The following C2CD5 variants were observed in gnomAD, a reference collection of about 807,000 sequenced individuals.
C2CD5 encodes the protein C2 calcium dependent domain containing 5, also known as C2 domain-containing protein 5.
In C2CD5, 109 loss-of-function variants were observed where a neutral mutation model predicts 130.3. That is an observed-to-expected ratio of 0.84 (90% CI 0.72 to 0.98). The LOEUF (loss-of-function observed/expected upper bound fraction) is 0.98. Among genes scored for constraint, C2CD5 ranks in the 50% least tolerant of loss-of-function variants. The pLI is 0.00. For synonymous variants in C2CD5, 454 were observed against 429.2 expected (o/e 1.06, Z -0.71); for missense variants, 996 against 1,261.8 (o/e 0.79, Z 3.19).
chr12:22,485,681 G>A (rs1245710891), intron 12 of C2CD5, among the ~76,000 whole-genome samples: 1 of 152,078 alleles, frequency 6.6e-6, no homozygotes, highest in Non-Finnish European at 1.5e-5. Flanking sequence ...ATTTCAGTTT[G>A]TTTGAATCCA....
intron 7 of C2CD5, among the ~76,000 whole-genome samples, chr12:22,518,702 G>C (rs908377024): frequency 6.6e-6 from 1 of 152,170 alleles, no homozygotes; most frequent in Non-Finnish European, 1.5e-5. Context: ...GAATGAAATA[G>C]GACCTACTGT....
At chr12:22,496,354 TG>T (rs1947011705) in intron 10 of C2CD5, among the ~76,000 whole-genome samples, 2 of 152,004 alleles carry the variant, frequency 1.3e-5, no homozygotes, top group African/African-American at 4.8e-5. Flanking sequence ...ACTAATGAAT[TG>T]GAATTATTTT....
At chr12:22,492,406 C>T (rs576958789) in intron 11 of C2CD5, among the ~76,000 whole-genome samples, 13 of 152,112 alleles carry the variant, frequency 8.5e-5, no homozygotes, top group African/African-American at 2.9e-4. Context: ...GGTAGAAAAA[C>T]GTTAAGTTGT....
At chr12:22,476,173 C>T (rs536054079) in intron 15 of C2CD5, among the ~76,000 whole-genome samples, 36 of 151,986 alleles carry the variant, frequency 2.4e-4, no homozygotes, top group Non-Finnish European at 4.6e-4. Context: ...GTATTAGAAA[C>T]ATTTTTTAAT....
At chr12:22,520,659 A>C (rs1950187883) in intron 7 of C2CD5, among the ~76,000 whole-genome samples, 1 of 152,160 alleles carries the variant, frequency 6.6e-6, no homozygotes, top group Non-Finnish European at 1.5e-5. Context: ...TCCAAGACTT[A>C]AAAATAAACA....
At chr12:22,450,516 G>C (rs1167928499) in intron 26 of C2CD5, among the ~76,000 whole-genome samples, 1 of 151,464 alleles carries the variant, frequency 6.6e-6, no homozygotes, top group Non-Finnish European at 1.5e-5. Context: ...AATCAATATG[G>C]GTAAATCTTA....
chr12:22,513,595 G>A (rs1204983236), intron 8 of C2CD5, among the ~76,000 whole-genome samples: 1 of 152,014 alleles, frequency 6.6e-6, no homozygotes, highest in Non-Finnish European at 1.5e-5. Context: ...ACCCCAGCTA[G>A]TTTTGGACTT....
intron 2 of C2CD5, among the ~76,000 whole-genome samples, chr12:22,543,574 T>G (rs1049442961): frequency 4.6e-5 from 7 of 152,214 alleles, no homozygotes; most frequent in Non-Finnish European, 8.8e-5. Context: ...TGTCCAGCAC[T>G]CTGGCCACCC....
At chr12:22,481,691 G>A (rs1282455302) in intron 14 of C2CD5, among the ~76,000 whole-genome samples, 1 of 117,772 alleles carries the variant, frequency 8.5e-6, no homozygotes, top group East Asian at 2.4e-4. Context: ...GCCTCACTCT[G>A]TCGCCTCGGT....
At chr12:22,515,162 A>G (rs1949591362) in intron 8 of C2CD5, 1 of 981,482 alleles carries the variant, frequency 1.0e-6, no homozygotes, top group Non-Finnish European at 1.2e-6. Context: ...TGTGGAGGAA[A>G]GTAGCAGAGA....
chr12:22,515,331 A>G (rs2136910753), intron 8 of C2CD5, among the ~76,000 whole-genome samples: 1 of 152,348 alleles, frequency 6.6e-6, no homozygotes, highest in South Asian at 2.1e-4. Flanking sequence ...TAATGAAAAT[A>G]ACAGGCATAG....
At chr12:22,513,204 C>T in intron 9 of C2CD5, 90 bp downstream of exon 9, 1 of 933,092 alleles carries the variant, frequency 1.1e-6, no homozygotes, top group Admixed American at 1.9e-5. Context: ...GTAACCAAAA[C>T]AGTTCATGAA....
intron 9 of C2CD5, among the ~76,000 whole-genome samples, chr12:22,508,892 C>T (rs554086566): frequency 2.1e-5 from 3 of 143,450 alleles, no homozygotes; most frequent in Admixed American, 6.9e-5. Flanking sequence ...TTTTTTGAGA[C>T]GGAGTCTCGC....
intron 2 of C2CD5, among the ~76,000 whole-genome samples, chr12:22,543,354 T>C (rs1952594378): frequency 1.3e-5 from 2 of 152,270 alleles, no homozygotes; most frequent in Non-Finnish European, 2.9e-5. Flanking sequence ...TTTAAGTCCA[T>C]GGCAATTAAA....
At chr12:22,518,642 A>C (rs1949988451) in intron 7 of C2CD5, among the ~76,000 whole-genome samples, 1 of 152,224 alleles carries the variant, frequency 6.6e-6, no homozygotes, top group African/African-American at 2.4e-5. Context: ...GAAACATTGC[A>C]TTTAATGCAG....
chr12:22,475,259 T>A (rs530961089), intron 15 of C2CD5, among the ~76,000 whole-genome samples: 8 of 152,312 alleles, frequency 5.3e-5, no homozygotes, highest in African/African-American at 1.9e-4. Context: ...CTTAAAAATT[T>A]AAAGACTTAT....
intron 17 of C2CD5, 45 bp from the exon 18 acceptor site, chr12:22,472,392 G>T: frequency 2.0e-6 from 2 of 985,476 alleles, no homozygotes; most frequent in Non-Finnish European, 3.0e-6. Context: ...ATATTTCATT[G>T]ATTTTTGTGT....
chr12:22,524,609 C>T lies in C2CD5; in HGVS notation c.464G>A (p.Cys155Tyr), dbSNP rs1404118621. Residue 155 changes from cysteine to tyrosine, a missense_variant, in exon 6 of 27, where the codon TGC becomes TAC. Cys to Tyr is a radical substitution (Grantham distance 194). Around this residue, in one of 9 missense-constraint regions of C2CD5, gnomAD observed 49 missense variants for 52.0 expected, o/e 0.94. Coordinates refer to ENST00000446597, the MANE Select transcript of C2CD5 (RefSeq NM_001286176.2). The part of the protein sequence containing the change: ...KFFCTTSIPK[C>Y]YRAVIIHGFV... ...TCCATGAATTATCACAGCTCTATAGCATTTTGGAATAGACGTTGCTGTTAA... is the reference window on the plus strand; with the variant it reads ...TCCATGAATTATCACAGCTCTATAGTATTTTGGAATAGACGTTGCTGTTAA... The T allele has an allele frequency of 6.2e-7, 1 of 1,612,618 alleles. No individual in the cohort carries two copies. The highest frequency in any genetic ancestry group is 1.3e-5 in the African/African-American group (1 of 74,868).
At chr12:22,539,673 G>T (rs890434896) in intron 2 of C2CD5, among the ~76,000 whole-genome samples, 2 of 152,160 alleles carry the variant, frequency 1.3e-5, no homozygotes, top group African/African-American at 2.4e-5. Flanking sequence ...TTTCAAATGT[G>T]CCACTAGATA....
Sources: allele counts gnomAD v4.1 joint callset (sites outside exome capture counted in the v4.1 genomes callset), GRCh38; gene constraint gnomAD v4.1.1; regional missense constraint gnomAD v4.1.1; transcripts MANE v1.5; gene names NCBI Gene and HGNC (gene_info 2026-07-23, HGNC 2026-07-21).